KCNJ6: variants seen among roughly 807,000 people sequenced by gnomAD.
KCNJ6 encodes the protein G protein-activated inward rectifier potassium channel 2.
Under a neutral mutation model 34.2 loss-of-function variants are expected in KCNJ6, and 9 were observed. The ratio of observed to expected loss-of-function variants is 0.26; its 90% CI spans 0.16 to 0.46. The LOEUF (loss-of-function observed/expected upper bound fraction) is 0.46. KCNJ6 is among the 20% of genes least tolerant of loss of function. The pLI is 1.00. For synonymous variants in KCNJ6, 196 were observed against 207.1 expected (o/e 0.95, Z 0.46); for missense variants, 236 against 531.3 (o/e 0.44, Z 5.46).
intron 2 of KCNJ6, among the ~76,000 whole-genome samples, chr21:37,750,392 G>T (rs1275587926): frequency 6.6e-6 from 1 of 152,024 alleles, no homozygotes; most frequent in Non-Finnish European, 1.5e-5. Context: ...TATACCCAAA[G>T]GATTATAAAT....
In KCNJ6 at chr21:37,834,383, C is replaced by G. The variant is rs974662245; in HGVS notation, c.25+6275G>C. 2.6e-5 allele frequency among the ~76,000 whole-genome samples: 4 copies of G among 152,210 alleles called. No homozygotes were observed. The East Asian group carries it at 7.7e-4, about 29-fold the overall frequency. On this transcript the variant is annotated intron_variant, in intron 2 of 3. Transcript: ENST00000609713. ...TGGAACCCTGATCATCCTTTGGGTG[C>G]CTTTTTGATGCAGGAGCACACTGGG...
At chr21:37,759,123 A>G (rs552640495) in intron 2 of KCNJ6, among the ~76,000 whole-genome samples, 7 of 152,158 alleles carry the variant, frequency 4.6e-5, no homozygotes, top group Admixed American at 2.0e-4. Flanking sequence ...GAGGCTGGGG[A>G]GGAGATCAGC....
intron 3 of KCNJ6, among the ~76,000 whole-genome samples, chr21:37,640,405 C>T (rs908610595): frequency 1.6e-4 from 25 of 152,234 alleles, no homozygotes; most frequent in African/African-American, 5.8e-4. Context: ...GCTATCACAT[C>T]AATGTGAAGC....
intron 2 of KCNJ6, among the ~76,000 whole-genome samples, chr21:37,725,076 A>T: frequency 6.6e-6 from 1 of 152,226 alleles, no homozygotes. Context: ...ACAACACGAC[A>T]CATATATATT....
chr21:37,846,605 AAC>A (rs1460244163), intron 1 of KCNJ6, among the ~76,000 whole-genome samples: 1 of 152,012 alleles, frequency 6.6e-6, no homozygotes, highest in Non-Finnish European at 1.5e-5. Context: ...ATGAGGGGGA[AAC>A]TCATCATGGT....
intron 2 of KCNJ6, among the ~76,000 whole-genome samples, chr21:37,775,143 G>A (rs1366870048): frequency 9.2e-5 from 14 of 152,224 alleles, no homozygotes; most frequent in Admixed American, 9.2e-4. Context: ...CTGCATAAAT[G>A]TCTTCTTTTG....
intron 1 of KCNJ6, among the ~76,000 whole-genome samples, chr21:37,901,255 T>C (rs1271954954): frequency 6.6e-6 from 1 of 152,244 alleles, no homozygotes; most frequent in African/African-American, 2.4e-5. Flanking sequence ...GTTAAAACAG[T>C]GGAAGAGCTC....
chr21:37,638,108 C>A (rs2054365974), intron 3 of KCNJ6, among the ~76,000 whole-genome samples: 2 of 152,178 alleles, frequency 1.3e-5, no homozygotes. Flanking sequence ...ACTATTATTT[C>A]TACATTTGAG....
intron 2 of KCNJ6, among the ~76,000 whole-genome samples, chr21:37,742,115 G>A (rs2054944198): frequency 6.6e-6 from 1 of 152,200 alleles, no homozygotes; most frequent in African/African-American, 2.4e-5. Flanking sequence ...TGTGTGATTG[G>A]TGAGGGGGCA....
chr21:37,714,635 T>C lies in KCNJ6; in HGVS notation c.522A>G (p.Gln174=), dbSNP rs372624887. The change falls in exon 3 of 4, where the codon CAA becomes CAG. Residue 174 remains glutamine (Q), a synonymous_variant. Coordinates refer to ENST00000609713, the MANE Select transcript of KCNJ6 (RefSeq NM_002240.5). This position sits in a 1 kb window ranked among gnomAD's most constrained non-coding sequence, Gnocchi z 5.9. ...CATTGACAATGGACCCCAACACAGA[T>C]TGGATTAAGAGAAGAATAATTCCCT... ...CPEGIILLLI[Q]SVLGSIVNAF... is the part of the protein sequence containing the mutation. 10 of 1,613,900 alleles carry C rather than the reference T, an allele frequency of 6.2e-6. No homozygotes were observed. The African/African-American group carries it at 6.7e-5, about 11-fold the overall frequency.
chr21:37,880,872 G>C (rs1203112064), intron 1 of KCNJ6, among the ~76,000 whole-genome samples: 1 of 152,172 alleles, frequency 6.6e-6, no homozygotes, highest in East Asian at 1.9e-4. Flanking sequence ...CCCTGCTCTA[G>C]GTTGTCAGAA....
At chr21:37,883,968 A>C (rs758184729) in intron 1 of KCNJ6, among the ~76,000 whole-genome samples, 19 of 152,320 alleles carry the variant, frequency 1.2e-4, no homozygotes, top group Middle Eastern at 3.4e-3. Context: ...TGCAATCCAC[A>C]GAGGCATGAA....
chr21:37,863,874 T>TTTTTTTTTTC lies in KCNJ6; in HGVS notation c.-27-23166_-27-23165insGAAAAAAAAA, dbSNP rs1239573568. ...TTTTTTTTTTTGTTTTTTTTTTTTT[T>TTTTTTTTTTC]TGGTGAAGAGAGAGAAGGTGAGCTT... is the stretch of plus-strand genomic sequence containing the variant. On this transcript the variant is annotated intron_variant, in intron 1 of 3. Transcript: ENST00000609713. 2.7e-5 allele frequency among the ~76,000 whole-genome samples: 4 copies of TTTTTTTTTTC among 145,552 alleles called. 1 individual carries two copies. Among genetic ancestry groups the TTTTTTTTTTC allele is most frequent in the Non-Finnish European group, 6.0e-5 (4 of 66,588 alleles).
intron 3 of KCNJ6, among the ~76,000 whole-genome samples, chr21:37,711,878 G>A (rs781773338): frequency 2.0e-5 from 3 of 152,020 alleles, no homozygotes; most frequent in Non-Finnish European, 2.9e-5. Flanking sequence ...GGGATGGGGT[G>A]AGCGTTTGGA....
intron 1 of KCNJ6, among the ~76,000 whole-genome samples, chr21:37,881,017 A>C (rs2055704948): frequency 6.6e-6 from 1 of 152,222 alleles, no homozygotes; most frequent in Non-Finnish European, 1.5e-5. Context: ...CAGAAGGGCA[A>C]GGCAACTCAA....
intron 3 of KCNJ6, among the ~76,000 whole-genome samples, chr21:37,687,693 G>T (rs1383961178): frequency 2.0e-5 from 3 of 152,012 alleles, no homozygotes; most frequent in Non-Finnish European, 2.9e-5. Flanking sequence ...GTCTCCTCTG[G>T]TCTGGGAGAC....
At chr21:37,727,741 G>C (rs1024912416) in intron 2 of KCNJ6, among the ~76,000 whole-genome samples, 5 of 152,256 alleles carry the variant, frequency 3.3e-5, no homozygotes, top group African/African-American at 1.2e-4. Flanking sequence ...GCGAATATTT[G>C]GGAGGAACGG....
intron 2 of KCNJ6, among the ~76,000 whole-genome samples, chr21:37,810,129 G>GCA (rs145413384): frequency 2.4e-4 from 37 of 151,658 alleles, no homozygotes; most frequent in East Asian, 7.7e-4. Flanking sequence ...CTGTGTGCAT[G>GCA]CACACACACA....
intron 2 of KCNJ6, among the ~76,000 whole-genome samples, chr21:37,790,764 T>C (rs1191641896): frequency 6.6e-6 from 1 of 152,220 alleles, no homozygotes; most frequent in East Asian, 1.9e-4. Flanking sequence ...TCATTTCTGC[T>C]CCTCTTTTGC....
Sources: gnomAD v4.1 joint callset for allele counts (sites outside exome capture counted in the v4.1 genomes callset) on GRCh38, gnomAD v4.1.1 for gene constraint, Gnocchi (gnomAD v3.1) non-coding constraint, MANE v1.5 for transcripts, NCBI Gene and HGNC (gene_info 2026-07-23, HGNC 2026-07-21) for gene names.